Variants in YEATS2 observed in about 807,000 individuals in gnomAD.
YEATS2 encodes the protein YEATS domain-containing protein 2.
YEATS2 carries 77 observed loss-of-function variants against 163.2 expected under a neutral mutation model. The observed-to-expected ratio is 0.47, with a 90% CI of 0.39 to 0.57. The LOEUF is 0.57. Among genes scored for constraint, YEATS2 ranks in the 20% least tolerant of loss-of-function variants. The pLI is 0.00. For missense variants in YEATS2, 1,549 were observed against 1,729.8 expected, an observed-to-expected ratio of 0.90 and a Z score of 1.85; for synonymous variants, 631 against 645.1, an observed-to-expected ratio of 0.98 and a Z score of 0.33.
chr3:183,713,558 G>A (rs1274484148), intron 1 of YEATS2, among the ~76,000 whole-genome samples: 2 of 152,098 alleles, frequency 1.3e-5, no homozygotes, highest in Non-Finnish European at 2.9e-5. Context: ...GTGAGACTCC[G>A]TCTCAATCAA....
At position 183,785,460 on chromosome 3, in the gene YEATS2, G is replaced by T. The variant is rs576325981; in HGVS notation, c.2737-665G>T. 1.3e-4 allele frequency among the ~76,000 whole-genome samples: 20 copies of T among 148,250 alleles called. No individual in the cohort carries two copies. The South Asian group carries it at 4.0e-3, about 30-fold the overall frequency. On this transcript the variant is annotated intron_variant, in intron 19 of 30. Transcript: ENST00000305135. Reference sequence around the variant, plus strand: ...GCCAAGATTGCGCCACTGCACTCCAGCCTGGGCGACAGAGCGAGACTCTGT... The same window carrying T: ...GCCAAGATTGCGCCACTGCACTCCATCCTGGGCGACAGAGCGAGACTCTGT...
chr3:183,770,890 G>C (rs893714891), intron 15 of YEATS2, among the ~76,000 whole-genome samples: 3 of 152,094 alleles, frequency 2.0e-5, no homozygotes, highest in African/African-American at 7.2e-5. Context: ...TTATGCCACA[G>C]TTTGTCCATT....
intron 8 of YEATS2, among the ~76,000 whole-genome samples, chr3:183,744,963 G>A (rs900422392): frequency 1.3e-5 from 2 of 152,072 alleles, no homozygotes; most frequent in African/African-American, 4.8e-5. Flanking sequence ...CGATTCTCCT[G>A]CCTCAGCCTC....
intron 8 of YEATS2, among the ~76,000 whole-genome samples, chr3:183,744,932 C>T (rs1357379795): frequency 1.3e-5 from 2 of 152,126 alleles, no homozygotes; most frequent in African/African-American, 2.4e-5. Context: ...CTCACTGCAA[C>T]CTCTACCTTC....
At chr3:183,726,712 A>T (rs922049763) in intron 6 of YEATS2, among the ~76,000 whole-genome samples, 3 of 152,248 alleles carry the variant, frequency 2.0e-5, no homozygotes. Flanking sequence ...GATTTTTATC[A>T]TATTATGTGG....
chr3:183,757,768 C>A (rs1560279176), intron 12 of YEATS2, among the ~76,000 whole-genome samples: 1 of 149,150 alleles, frequency 6.7e-6, no homozygotes. Flanking sequence ...CTTTTCCAAG[C>A]AGTTTTTTTT....
intron 8 of YEATS2, among the ~76,000 whole-genome samples, chr3:183,740,273 C>G (rs1328998674): frequency 6.6e-6 from 1 of 151,712 alleles, no homozygotes; most frequent in Non-Finnish European, 1.5e-5. Flanking sequence ...AACAAACAAC[C>G]CCATCAAAAA....
intron 12 of YEATS2, among the ~76,000 whole-genome samples, 164 bp downstream of exon 12, chr3:183,756,853 T>C (rs1053231980): frequency 2.6e-5 from 4 of 152,200 alleles, no homozygotes; most frequent in African/African-American, 9.7e-5. Context: ...TGAGGGGAGA[T>C]TTACTCTGTA....
chr3:183,753,086 C>A (rs1720356590), intron 10 of YEATS2, among the ~76,000 whole-genome samples: 1 of 152,126 alleles, frequency 6.6e-6, no homozygotes, highest in Non-Finnish European at 1.5e-5. Context: ...GCATGACCCA[C>A]CACGCCTGGC....
chr3:183,703,199 C>A (rs549333450), intron 1 of YEATS2, among the ~76,000 whole-genome samples: 1 of 152,138 alleles, frequency 6.6e-6, no homozygotes, highest in Admixed American at 6.6e-5. Context: ...CTCAGCTTCT[C>A]GCCATTCAGG....
intron 20 of YEATS2, among the ~76,000 whole-genome samples, chr3:183,789,205 G>T (rs1420000040): frequency 6.6e-6 from 1 of 152,090 alleles, no homozygotes; most frequent in African/African-American, 2.4e-5. Flanking sequence ...TGCCCAAACC[G>T]ATGTCCTGGA....
intron 28 of YEATS2, 187 bp downstream of exon 28, chr3:183,807,279 C>T (rs1726312417): frequency 1.7e-6 from 1 of 586,268 alleles, no homozygotes. Flanking sequence ...TCTCAGGGCT[C>T]CCACCGTCCC....
chr3:183,806,216 G>A (rs774050731), intron 27 of YEATS2: 9 of 436,446 alleles, frequency 2.1e-5, no homozygotes, highest in South Asian at 1.5e-4. Context: ...GGTTTTTCAG[G>A]ATATAGCCCC....
At chr3:183,780,297 G>A (rs1222313674) in intron 19 of YEATS2, among the ~76,000 whole-genome samples, 3 of 152,182 alleles carry the variant, frequency 2.0e-5, no homozygotes, top group Non-Finnish European at 4.4e-5. Context: ...AATAGAACTG[G>A]CTGCTCTTGC....
intron 4 of YEATS2, 124 bp downstream of exon 4, chr3:183,718,716 TG>T: frequency 1.2e-6 from 1 of 822,642 alleles, no homozygotes; most frequent in Non-Finnish European, 1.8e-6. Context: ...GGTTTTTTTT[TG>T]AGACGGAGTC....
chr3:183,766,415 G>GA (rs1382998236), intron 15 of YEATS2, among the ~76,000 whole-genome samples: 2 of 152,222 alleles, frequency 1.3e-5, no homozygotes, highest in African/African-American at 2.4e-5. Context: ...TATCTGGAGG[G>GA]AAAATCTCAG....
Position 183,752,105 on chromosome 3 carries a change from C to A in YEATS2, c.1002C>A (p.Leu334=). 3 of 1,614,098 alleles carry A rather than the reference C, an allele frequency of 1.9e-6. No homozygotes were observed. The highest frequency in any genetic ancestry group is 2.5e-6 in the Non-Finnish European group (3 of 1,180,028). ...VVDVELHRHS[L]GEDCIYPQSS... ...ATGTTGAACTCCATCGCCATTCTCT[C>A]GGAGAAGACTGTATCTATCCTCAGT... is the stretch of plus-strand genomic sequence containing the variant. Residue 334 remains leucine, a synonymous_variant, in exon 10 of 31, where the codon CTC becomes CTA. Coordinates refer to ENST00000305135, the MANE Select transcript of YEATS2 (RefSeq NM_018023.5).
chr3:183,778,080 C>T (rs1723178167), intron 19 of YEATS2, among the ~76,000 whole-genome samples: 1 of 145,736 alleles, frequency 6.9e-6, no homozygotes, highest in Non-Finnish European at 1.5e-5. Context: ...CCATTGCACT[C>T]CATCCTGGGC....
intron 19 of YEATS2, among the ~76,000 whole-genome samples, chr3:183,782,483 G>A (rs958883380): frequency 1.3e-5 from 2 of 151,740 alleles, no homozygotes; most frequent in South Asian, 2.1e-4. Context: ...GAGTACAATG[G>A]CGTGATCTCA....
Sources: gnomAD v4.1 joint callset for allele counts (sites outside exome capture counted in the v4.1 genomes callset) on GRCh38, gnomAD v4.1.1 for gene constraint, MANE v1.5 for transcripts, NCBI Gene and HGNC (gene_info 2026-07-23, HGNC 2026-07-21) for gene names.